Variants in USP10 observed in about 807,000 individuals in gnomAD.
USP10 encodes ubiquitin carboxyl-terminal hydrolase 10.
Under a neutral mutation model 84.5 loss-of-function variants are expected in USP10, and 22 were observed. The ratio of observed to expected loss-of-function variants is 0.26; its 90% CI spans 0.19 to 0.37. USP10 has a LOEUF of 0.37. Among genes scored for constraint, USP10 ranks in the 10% least tolerant of loss-of-function variants. USP10 has a pLI of 1.00. For missense variants in USP10, 1,019 were observed against 998.9 expected, an observed-to-expected ratio of 1.02 and a Z score of -0.27; for synonymous variants, 454 against 387.6, an observed-to-expected ratio of 1.17 and a Z score of -2.01.
At chr16:84,701,937 C>CCTTT (rs1330798788) in intron 1 of USP10, among the ~76,000 whole-genome samples, 1 of 124,584 alleles carries the variant, frequency 8.0e-6, no homozygotes, top group Non-Finnish European at 1.6e-5. Flanking sequence ...TTTTCTTCTT[C>CCTTT]TTTTTTTTTT....
rs554761337 is a variant in USP10 at position 84,779,555 on chromosome 16, T to A, written c.*473T>A. On this transcript the variant is annotated 3_prime_UTR_variant, in exon 14 of 14. Coordinates refer to ENST00000219473, the MANE Select transcript of USP10 (RefSeq NM_005153.3). ...AGCCAGTTATCAAAGAAGAACTAGT[T>A]CTTACTTCAAAAGAAAAATAAACAT... 3.3e-5 allele frequency: 5 copies of A among 153,160 alleles called. No homozygotes were observed. The highest frequency in any genetic ancestry group is 9.6e-5 in the African/African-American group (4 of 41,594). The allele number at this position is 153,160 out of a possible 1,614,324, so 9.5% of individuals were successfully genotyped here.
intron 1 of USP10, among the ~76,000 whole-genome samples, chr16:84,724,720 C>G (rs779261997): frequency 6.6e-6 from 1 of 152,198 alleles, no homozygotes; most frequent in African/African-American, 2.4e-5. Flanking sequence ...TCACCATGCC[C>G]TGACCCCTGT....
At chr16:84,743,222 C>T (rs1405672002) in intron 3 of USP10, among the ~76,000 whole-genome samples, 1 of 152,132 alleles carries the variant, frequency 6.6e-6, no homozygotes, top group Non-Finnish European at 1.5e-5. Context: ...GTCGTGACTT[C>T]ATGCATAAAC....
At position 84,744,670 on chromosome 16, in the gene USP10, A is replaced by G; in HGVS notation, c.189A>G (p.Glu63=). Residue 63 remains glutamate, a synonymous_variant, in exon 4 of 14, where the codon GAA becomes GAG. Transcript: ENST00000219473. ...EYQRIEFGVD[E]VIEPSDTLPR... The stretch of plus-strand genomic sequence containing the variant: ...AGAGAATTGAGTTTGGTGTCGATGA[A>G]GTCATTGAACCCAGTGACACTTTGC... 1 of 1,612,852 alleles carries G rather than the reference A, an allele frequency of 6.2e-7. No individual in the cohort carries two copies. Among genetic ancestry groups the G allele is most frequent in the South Asian group, 1.1e-5 (1 of 91,036 alleles).
chr16:84,732,780 A>G (rs1441134858), intron 1 of USP10, among the ~76,000 whole-genome samples: 2 of 152,140 alleles, frequency 1.3e-5, no homozygotes, highest in African/African-American at 4.8e-5. Context: ...TCCATGGAGA[A>G]TATGAACTGG....
rs913864647 is a variant in USP10, at chr16:84,733,164, C to T, written c.22-271C>T. 63 of 522,654 alleles carry T rather than the reference C, an allele frequency of 1.2e-4. No individual in the cohort carries two copies. The East Asian group carries it at 2.0e-3, about 16-fold the overall frequency. The allele number at this position is 522,654 out of a possible 1,614,324, so 32.4% of individuals were successfully genotyped here. On this transcript the variant is annotated intron_variant, in intron 1 of 13. Coordinates refer to ENST00000219473, the MANE Select transcript of USP10 (RefSeq NM_005153.3). Reference sequence around the variant, plus strand: ...ATAAAAATCTCCTGCAAGCAGGACTCGACAAGTTTGGCATACAAAATTGAT... The same window carrying T: ...ATAAAAATCTCCTGCAAGCAGGACTTGACAAGTTTGGCATACAAAATTGAT...
chr16:84,777,238 G>A (rs2150879799), intron 13 of USP10, among the ~76,000 whole-genome samples: 1 of 152,332 alleles, frequency 6.6e-6, no homozygotes, highest in African/African-American at 2.4e-5. Context: ...AGTTAACTGG[G>A]CTGCTGCTTA....
intron 2 of USP10, 146 bp from the exon 3 acceptor site, chr16:84,740,161 ACT>A: frequency 1.7e-6 from 1 of 597,420 alleles, no homozygotes; most frequent in Non-Finnish European, 2.9e-6. Flanking sequence ...GATTGCACTG[ACT>A]CTTCATGTAT....
At chr16:84,760,326 G>T (rs568849458) in intron 8 of USP10, 51 bp downstream of exon 8, 48 of 1,486,072 alleles carry the variant, frequency 3.2e-5, no homozygotes, top group Admixed American at 5.9e-5. Flanking sequence ...TTTTGTTCCA[G>T]TGTTTGTGTG....
intron 1 of USP10, among the ~76,000 whole-genome samples, chr16:84,725,085 G>T (rs545472255): frequency 4.6e-4 from 70 of 152,316 alleles, no homozygotes; most frequent in African/African-American, 1.5e-3. Flanking sequence ...ATGCATTTCA[G>T]TGGTTTTTAG....
chr16:84,779,124 G>C lies in USP10; in HGVS notation c.*42G>C, dbSNP rs757418811. The C allele has an allele frequency of 3.2e-6, 5 of 1,577,766 alleles. No homozygotes were observed. The East Asian group carries it at 1.1e-4, about 36-fold the overall frequency. ...GTGTGCGCCCAGTGCCCGCTTCGTA[G>C]GACACCACCTCACACTCACTTCCCG... On this transcript the variant is annotated 3_prime_UTR_variant, in exon 14 of 14. Coordinates refer to ENST00000219473, the MANE Select transcript of USP10 (RefSeq NM_005153.3).
rs373923706 is a variant in USP10, at chr16:84,701,431, G to T, written c.21+1320G>T. On this transcript the variant is annotated intron_variant, in intron 1 of 13. Transcript: ENST00000219473. The stretch of plus-strand genomic sequence containing the variant: ...AATTTTTACAAATGTATAGCCCAAA[G>T]ATTTTAAGAGATTTGGTGTATTTAG... Among the ~76,000 whole-genome samples the T allele has an allele frequency of 5.3e-5, 8 of 152,208 alleles. No individual in the cohort carries two copies. The East Asian group carries it at 9.6e-4, about 18-fold the overall frequency.
At position 84,776,243 on chromosome 16, in the gene USP10, G is replaced by A. The variant is rs575068027; in HGVS notation, c.2209+1018G>A. Among the ~76,000 whole-genome samples, 220 of 152,286 alleles carry A rather than the reference G, an allele frequency of 1.4e-3. 1 individual carries two copies. The highest frequency in any genetic ancestry group is 4.6e-3 in the African/African-American group (192 of 41,566). ...CTCCTGTCCACCTCAGCTCACGCCC[G>A]ATGTTTTAGGAAGTTTGGCGAGTGG... On this transcript the variant is annotated intron_variant, in intron 13 of 13. Transcript: ENST00000219473.
At chr16:84,764,939 A>AAAAAAAATATATATATAT (rs370383030) in intron 10 of USP10, among the ~76,000 whole-genome samples, 11 of 132,258 alleles carry the variant, frequency 8.3e-5, no homozygotes, top group African/African-American at 2.8e-4. Context: ...GAGAAAAAAA[A>AAAAAAAATATATATATAT]ATATATATAT....
At chr16:84,762,729 A>G (rs943343755) in intron 8 of USP10, among the ~76,000 whole-genome samples, 1 of 152,192 alleles carries the variant, frequency 6.6e-6, no homozygotes, top group East Asian at 1.9e-4. Flanking sequence ...GAAAATTTCA[A>G]AAATACAGAA....
At position 84,751,927 on chromosome 16, in the gene USP10, T is replaced by A. The variant is rs969816614; in HGVS notation, c.1192+6254T>A. Among the ~76,000 whole-genome samples, 9 of 152,310 alleles carry A rather than the reference T, an allele frequency of 5.9e-5. No individual in the cohort carries two copies. The East Asian group carries it at 1.7e-3, about 29-fold the overall frequency. ...AGAATAATCATAGCTTATGATGACA[T>A]AAAAGTTTACGATGCTGGTATTGCC... On this transcript the variant is annotated intron_variant, in intron 4 of 13. Coordinates refer to ENST00000219473, the MANE Select transcript of USP10 (RefSeq NM_005153.3).
intron 4 of USP10, among the ~76,000 whole-genome samples, chr16:84,748,364 C>T (rs750090361): frequency 2.6e-5 from 4 of 151,846 alleles, no homozygotes; most frequent in African/African-American, 4.8e-5. Context: ...AATGCAGTGG[C>T]GCAATCTCGG....
At chr16:84,732,045 A>G (rs1909303451) in intron 1 of USP10, among the ~76,000 whole-genome samples, 1 of 152,182 alleles carries the variant, frequency 6.6e-6, no homozygotes, top group African/African-American at 2.4e-5. Context: ...GTATATGTAA[A>G]TATTATATGA....
chr16:84,777,215 C>T (rs1396325488), intron 13 of USP10, among the ~76,000 whole-genome samples: 1 of 152,232 alleles, frequency 6.6e-6, no homozygotes, highest in Non-Finnish European at 1.5e-5. Context: ...TGACACACGG[C>T]TCAGCCCAGG....
Sources: allele counts gnomAD v4.1 joint callset (sites outside exome capture counted in the v4.1 genomes callset), GRCh38; gene constraint gnomAD v4.1.1; transcripts MANE v1.5; gene names NCBI Gene and HGNC (gene_info 2026-07-23, HGNC 2026-07-21).